The following IL17RA variants were observed in gnomAD, a reference collection of about 807,000 sequenced individuals.
The protein encoded by IL17RA is interleukin 17 receptor A, also known as interleukin-17 receptor A.
Under a neutral mutation model 50.4 loss-of-function variants are expected in IL17RA, and 34 were observed. The observed-to-expected ratio is 0.67, with a 90% CI of 0.51 to 0.90. The LOEUF (loss-of-function observed/expected upper bound fraction) is 0.90. Ranked by LOEUF, IL17RA falls within the 40% of genes least tolerant of loss-of-function variation. The probability of loss-of-function intolerance (pLI) is 0.00; values close to 1 mark genes in which losing one functional copy is unlikely to be tolerated. For missense variants in IL17RA, 1,276 were observed against 1,169.8 expected, an observed-to-expected ratio of 1.09 and a Z score of -1.32; for synonymous variants, 585 against 510.4, an observed-to-expected ratio of 1.15 and a Z score of -1.97.
Position 17,109,398 on chromosome 22 carries a change from C to G in IL17RA, c.2179C>G (p.Pro727Ala). The change falls in exon 13 of 13, where the codon CCC (proline) becomes GCC (alanine). Residue 727 changes from proline to alanine, a missense_variant. Physicochemically the swap from Pro to Ala is conservative, Grantham distance 27 (BLOSUM62 -1). Transcript: ENST00000319363. ...LFLPVDPEDSPLGSSTPMASP... is the reference protein window; with the variant it reads ...LFLPVDPEDSALGSSTPMASP... Reference sequence around the variant, plus strand: ...CCTCCCCGTGGACCCCGAGGACTCGCCCCTTGGCAGCAGCACCCCCATGGC... The same window carrying G: ...CCTCCCCGTGGACCCCGAGGACTCGGCCCTTGGCAGCAGCACCCCCATGGC... The G allele has an allele frequency of 6.2e-7, 1 of 1,613,030 alleles. No individual in the cohort carries two copies. The highest frequency in any genetic ancestry group is 8.5e-7 in the Non-Finnish European group (1 of 1,179,928).
rs1430647010 is a variant in IL17RA, at chr22:17,109,841, C to T, written c.*21C>T. On this transcript the variant is annotated 3_prime_UTR_variant, in exon 13 of 13. Coordinates refer to ENST00000319363, the MANE Select transcript of IL17RA (RefSeq NM_014339.7). Reference sequence around the variant, plus strand: ...CATGAGGGCGGCTCCCCAGGGACCGCCCAGATCCCAGCTTTGAGAGAGGAG... The same window carrying T: ...CATGAGGGCGGCTCCCCAGGGACCGTCCAGATCCCAGCTTTGAGAGAGGAG... 6.5e-7 allele frequency: 1 copy of T among 1,546,082 alleles called. No homozygotes were observed. The highest frequency in any genetic ancestry group is 2.0e-5 in the Admixed American group (1 of 50,994).
rs2061413109 is a variant in IL17RA at position 17,105,905 on chromosome 22, G to C, written c.996G>C (p.Leu332=). 6 of 1,614,072 alleles carry C rather than the reference G, an allele frequency of 3.7e-6. No homozygotes were observed. The highest frequency in any genetic ancestry group is 5.1e-6 in the Non-Finnish European group (6 of 1,180,040). Reference sequence around the variant, plus strand: ...TCATCACGGGCATCTCCATCCTGCTGGTGGGCTCCGTCATCCTGCTCATCG... The same window carrying C: ...TCATCACGGGCATCTCCATCCTGCTCGTGGGCTCCGTCATCCTGCTCATCG... ...YWFITGISIL[L]VGSVILLIVC... Residue 332 remains leucine, a synonymous_variant, in exon 11 of 13, where the codon CTG becomes CTC. Transcript: ENST00000319363.
At chr22:17,085,758 C>A (rs1213427252) in intron 1 of IL17RA, among the ~76,000 whole-genome samples, 1 of 152,172 alleles carries the variant, frequency 6.6e-6, no homozygotes, top group Admixed American at 6.5e-5. Flanking sequence ...CCGACGGAGC[C>A]GGGCGAGCCC....
intron 1 of IL17RA, among the ~76,000 whole-genome samples, chr22:17,091,886 A>T (rs2061349466): frequency 6.6e-6 from 1 of 152,148 alleles, no homozygotes; most frequent in African/African-American, 2.4e-5. Context: ...TGAAATATGT[A>T]TTTAGTCTTC....
intron 11 of IL17RA, 44 bp from the exon 12 acceptor site, chr22:17,107,683 C>T: frequency 1.3e-6 from 2 of 1,563,150 alleles, no homozygotes; most frequent in Admixed American, 1.7e-5. Context: ...GTTTCTATTT[C>T]TCTTCCCAAA....
intron 1 of IL17RA, among the ~76,000 whole-genome samples, chr22:17,095,184 T>C (rs1255993640): frequency 1.3e-5 from 2 of 152,138 alleles, no homozygotes; most frequent in Non-Finnish European, 2.9e-5. Context: ...CATAATCTAG[T>C]GGTGCATTAA....
At chr22:17,105,390 A>G (rs939098045) in intron 9 of IL17RA, among the ~76,000 whole-genome samples, 7 of 152,160 alleles carry the variant, frequency 4.6e-5, no homozygotes, top group African/African-American at 1.7e-4. Flanking sequence ...CAGCCTCCCA[A>G]GGAGGAGGCA....
At chr22:17,089,879 A>AAAC (rs1601335721) in intron 1 of IL17RA, among the ~76,000 whole-genome samples, 4 of 151,828 alleles carry the variant, frequency 2.6e-5, no homozygotes, top group East Asian at 3.9e-4. Context: ...AACAAACAAA[A>AAAC]AAAAAAACGA....
At chr22:17,104,070 G>A (rs28641855) in intron 8 of IL17RA, among the ~76,000 whole-genome samples, 195 of 9,698 alleles carry the variant, frequency 0.02, 1 homozygote, top group Middle Eastern at 0.11. Flanking sequence ...GCACAGGTGG[G>A]GAGAGTGGTG....
Position 17,105,842 on chromosome 22 carries a change from G to A in IL17RA, c.944-11G>A. The A allele has an allele frequency of 6.2e-7, 1 of 1,611,056 alleles. No individual in the cohort carries two copies. Among genetic ancestry groups the A allele is most frequent in the Non-Finnish European group, 8.5e-7 (1 of 1,177,738 alleles). ...CCCGCCGCATCACTCACGCTGTTCTGCTCACCGCAGACTACATGCCCCTGT... is the reference window on the plus strand; with the variant it reads ...CCCGCCGCATCACTCACGCTGTTCTACTCACCGCAGACTACATGCCCCTGT... On this transcript the variant is annotated splice_polypyrimidine_tract_variant and intron_variant, in intron 10 of 12. Coordinates refer to ENST00000319363, the MANE Select transcript of IL17RA (RefSeq NM_014339.7).
intron 1 of IL17RA, among the ~76,000 whole-genome samples, chr22:17,091,039 T>C (rs2061346088): frequency 6.6e-6 from 1 of 152,212 alleles, no homozygotes; most frequent in African/African-American, 2.4e-5. Flanking sequence ...CTGTGCTCTC[T>C]AGACCTGTGG....
Position 17,102,239 on chromosome 22 carries a change from G to C in IL17RA, c.699G>C (p.Leu233=). The C allele has an allele frequency of 1.9e-6, 3 of 1,614,200 alleles. No homozygotes were observed. Among genetic ancestry groups the C allele is most frequent in the Non-Finnish European group, 2.5e-6 (3 of 1,180,032 alleles). ...LWNESTHYQI[L]LTSFPHMENH... Reference sequence around the variant, plus strand: ...ACGAATCTACCCATTACCAGATCCTGCTGACCAGTTTTCCGCACATGGAGA... The same window carrying C: ...ACGAATCTACCCATTACCAGATCCTCCTGACCAGTTTTCCGCACATGGAGA... Residue 233 remains leucine (L), a synonymous_variant, in exon 7 of 13, where the codon CTG becomes CTC. Transcript: ENST00000319363.
intron 1 of IL17RA, among the ~76,000 whole-genome samples, chr22:17,092,458 G>T (rs970883420): frequency 1.3e-5 from 2 of 152,098 alleles, no homozygotes; most frequent in African/African-American, 4.8e-5. Flanking sequence ...GGGGGTGGGC[G>T]GTCTTGGGGA....
chr22:17,097,717 C>T lies in IL17RA; in HGVS notation c.164-80C>T, dbSNP rs373383220. ...CGCGGGCCCCTGAGCTGTTTGCTGT[C>T]TAGCTGTCTGTACCTGCTGCTGGGG... On this transcript the variant is annotated intron_variant, in intron 2 of 12. Coordinates refer to ENST00000319363, the MANE Select transcript of IL17RA (RefSeq NM_014339.7). 46 of 1,581,312 alleles carry T rather than the reference C, an allele frequency of 2.9e-5. 1 individual carries two copies. Among genetic ancestry groups the T allele is most frequent in the East Asian group, 1.8e-4 (8 of 44,694 alleles).
intron 5 of IL17RA, among the ~76,000 whole-genome samples, chr22:17,101,547 T>C (rs2061391382): frequency 6.6e-6 from 1 of 152,216 alleles, no homozygotes; most frequent in Non-Finnish European, 1.5e-5. Context: ...GCCTGGTGCA[T>C]AGTTGGTGCT....
rs1206679716 is a variant in IL17RA, at chr22:17,103,869, A to T, written c.846+292A>T. ...GTGGGGAACGTGCACAGGTGGAGAG[A>T]GTGGTGTGGCTGGGAGTGGGGAGCG... On this transcript the variant is annotated intron_variant, in intron 8 of 12. Coordinates refer to ENST00000319363, the MANE Select transcript of IL17RA (RefSeq NM_014339.7). Among the ~76,000 whole-genome samples, 116 of 111,674 alleles carry T rather than the reference A, an allele frequency of 1.0e-3. 1 individual carries two copies. The highest frequency in any genetic ancestry group is 1.6e-3 in the Non-Finnish European group (86 of 54,106). The allele number at this position is 111,674 out of a possible 152,430, so 73.3% of individuals were successfully genotyped here.
At chr22:17,096,987 G>A (rs1189138741) in intron 1 of IL17RA, 75 bp from the exon 2 acceptor site, 2 of 1,345,828 alleles carry the variant, frequency 1.5e-6, no homozygotes, top group Non-Finnish European at 2.1e-6. Context: ...GAATGAGCCA[G>A]TGGAGAGCAT....
chr22:17,102,060 GA>G lies in IL17RA; in HGVS notation c.598+18del. 7.4e-6 allele frequency: 12 copies of G among 1,614,204 alleles called. No homozygotes were observed. The highest frequency in any genetic ancestry group is 9.3e-6 in the Non-Finnish European group (11 of 1,180,034). ...TGAGCTCAGGTAACAGCTGGCCCGG[GA>G]GAGCTTTATTTGGATGCATACACAT... is the stretch of plus-strand genomic sequence containing the variant. On this transcript the variant is annotated intron_variant, in intron 6 of 12. Coordinates refer to ENST00000319363, the MANE Select transcript of IL17RA (RefSeq NM_014339.7).
At chr22:17,085,688 G>A (rs1051070377) in intron 1 of IL17RA, among the ~76,000 whole-genome samples, 22 of 152,154 alleles carry the variant, frequency 1.4e-4, no homozygotes, top group African/African-American at 5.3e-4. Context: ...GGGCACGGTC[G>A]GCCCTCGGGA....
Sources: allele counts gnomAD v4.1 joint callset (sites outside exome capture counted in the v4.1 genomes callset), GRCh38; gene constraint gnomAD v4.1.1; transcripts MANE v1.5; gene names NCBI Gene and HGNC (gene_info 2026-07-23, HGNC 2026-07-21).